TG: variants seen among roughly 807,000 people sequenced by gnomAD.
The protein encoded by TG is thyroid hormones.
Under a neutral mutation model 324.7 loss-of-function variants are expected in TG, and 270 were observed. The observed-to-expected ratio is 0.83, with a 90% CI of 0.75 to 0.92. The LOEUF (loss-of-function observed/expected upper bound fraction) is 0.92, where lower values mean the gene tolerates loss of function less well. Among genes scored for constraint, TG ranks in the 40% least tolerant of loss-of-function variants. The pLI, the probability that TG is intolerant of heterozygous loss-of-function variation, is 0.00. For synonymous variants in TG, 1,401 were observed against 1,327.0 expected, an observed-to-expected ratio of 1.06 and a Z score of -1.21; for missense variants, 3,591 against 3,456.4, an observed-to-expected ratio of 1.04 and a Z score of -0.98.
At chr8:132,964,959 G>A (rs761855529) in intron 29 of TG, 2 of 702,172 alleles carry the variant, frequency 2.8e-6, no homozygotes, top group South Asian at 1.5e-5. Context: ...GGTGTTCCAG[G>A]TAAGGGGAAC....
rs1229849685 is a variant in TG, at chr8:132,867,155, C to A, written c.67+88C>A. ...CCCTGGGCCTTCGAACAGGTGCGAT[C>A]TAATTTAATCTTCACAAATTCCCAC... On this transcript the variant is annotated intron_variant, in intron 1 of 47. Coordinates refer to ENST00000220616, the MANE Select transcript of TG (RefSeq NM_003235.5). The A allele has an allele frequency of 4.4e-6, 5 of 1,141,092 alleles. No individual in the cohort carries two copies. In the East Asian group the frequency reaches 7.7e-5, roughly 18 times the overall value. 70.7% of individuals were successfully genotyped at this position (1,141,092 alleles called of 1,614,324 possible).
intron 23 of TG, among the ~76,000 whole-genome samples, chr8:132,930,229 T>G (rs1487053652): frequency 6.6e-6 from 1 of 152,186 alleles, no homozygotes; most frequent in Non-Finnish European, 1.5e-5. Context: ...ATGAGAGATA[T>G]TGACAGGAAT....
At chr8:133,052,839 G>T (rs990825942) in intron 41 of TG, among the ~76,000 whole-genome samples, 3 of 152,244 alleles carry the variant, frequency 2.0e-5, no homozygotes, top group Non-Finnish European at 4.4e-5. Flanking sequence ...AATCTGCCCA[G>T]AAGCTGAGGC....
intron 35 of TG, among the ~76,000 whole-genome samples, chr8:133,007,000 T>C (rs1834067939): frequency 6.6e-6 from 1 of 151,486 alleles, no homozygotes; most frequent in Admixed American, 6.6e-5. Context: ...TTTATGTTAA[T>C]TTTTTTTTAG....
intron 35 of TG, 198 bp downstream of exon 35, chr8:132,983,610 C>CAA (rs1298761559): frequency 1.6e-6 from 1 of 629,146 alleles, no homozygotes; most frequent in African/African-American, 1.8e-5. Flanking sequence ...AAAATTGACT[C>CAA]ACGGGAATGA....
chr8:133,123,695 G>A (rs1317699984), intron 45 of TG, among the ~76,000 whole-genome samples: 2 of 149,958 alleles, frequency 1.3e-5, no homozygotes, highest in African/African-American at 5.0e-5. Flanking sequence ...AAAGGACTCA[G>A]ACCCTGTGGC....
chr8:133,010,070 C>A (rs561655783), intron 35 of TG, among the ~76,000 whole-genome samples: 1 of 152,232 alleles, frequency 6.6e-6, no homozygotes, highest in African/African-American at 2.4e-5. Context: ...AGGCAAAGAC[C>A]CTTTCATACC....
intron 35 of TG, among the ~76,000 whole-genome samples, chr8:133,001,434 C>T (rs1468240242): frequency 6.6e-6 from 1 of 152,168 alleles, no homozygotes; most frequent in Admixed American, 6.5e-5. Context: ...AAGAATTTCT[C>T]CTGGAGAAAT....
At chr8:132,984,971 T>C (rs1831342712) in intron 35 of TG, among the ~76,000 whole-genome samples, 1 of 151,634 alleles carries the variant, frequency 6.6e-6, no homozygotes, top group South Asian at 2.1e-4. Flanking sequence ...GAGTTCCCTA[T>C]GTCATCTATG....
intron 33 of TG, chr8:132,972,335 T>C (rs1829640673): frequency 5.5e-6 from 3 of 547,696 alleles, no homozygotes; most frequent in South Asian, 4.2e-5. Flanking sequence ...CCAAGTGAAG[T>C]GATACCAACA....
intron 41 of TG, among the ~76,000 whole-genome samples, chr8:133,071,288 A>AG (rs1229700724): frequency 1.3e-5 from 2 of 152,210 alleles, no homozygotes; most frequent in African/African-American, 4.8e-5. Flanking sequence ...CCAAGGCCAG[A>AG]GCATTCACAT....
chr8:132,871,242 C>T, intron 3 of TG, 106 bp from the exon 4 acceptor site: 1 of 1,219,216 alleles, frequency 8.2e-7, no homozygotes, highest in South Asian at 1.2e-5. Flanking sequence ...GCGGGTCATT[C>T]CCCTCTCAGC....
intron 19 of TG, among the ~76,000 whole-genome samples, 172 bp downstream of exon 19, chr8:132,911,705 G>A (rs550248149): frequency 4.6e-5 from 7 of 152,248 alleles, no homozygotes; most frequent in Non-Finnish European, 7.4e-5. Flanking sequence ...CTTGCCAATC[G>A]TTTACTAGAG....
intron 35 of TG, among the ~76,000 whole-genome samples, chr8:132,991,651 C>T (rs753668355): frequency 1.1e-4 from 17 of 152,162 alleles, no homozygotes; most frequent in Non-Finnish European, 1.0e-4. Flanking sequence ...CAAGACATGC[C>T]GGTTAGCACA....
chr8:132,885,034 C>T (rs1426764958), intron 8 of TG, among the ~76,000 whole-genome samples: 1 of 152,118 alleles, frequency 6.6e-6, no homozygotes, highest in Non-Finnish European at 1.5e-5. Flanking sequence ...ACCACATTTT[C>T]CAGTTCTTTC....
chr8:132,949,227 G>C (rs535583123), intron 27 of TG, among the ~76,000 whole-genome samples: 1 of 152,288 alleles, frequency 6.6e-6, no homozygotes, highest in East Asian at 1.9e-4. Flanking sequence ...GCTGGCAATT[G>C]ATGGATCTCA....
chr8:132,887,972 G>T lies in TG; in HGVS notation c.2177-12G>T. On this transcript the variant is annotated splice_polypyrimidine_tract_variant and intron_variant, in intron 9 of 47. Transcript: ENST00000220616. ...TCTTAAACTGAAACACCTGCTCATT[G>T]TTCCTCCCCAGGCCCCACGCCCTGT... 2 of 1,609,688 alleles carry T rather than the reference G, an allele frequency of 1.2e-6. No homozygotes were observed. Among genetic ancestry groups the T allele is most frequent in the Non-Finnish European group, 1.7e-6 (2 of 1,177,860 alleles).
chr8:132,903,822 T>G (rs553484188), intron 16 of TG, among the ~76,000 whole-genome samples: 1 of 152,204 alleles, frequency 6.6e-6, no homozygotes, highest in Non-Finnish European at 1.5e-5. Flanking sequence ...CTAACCTCTC[T>G]GGATGTCAGT....
rs373345711 is a variant in TG, at chr8:132,961,211, G to A, written c.5467+138G>A. 24 of 864,306 alleles carry A rather than the reference G, an allele frequency of 2.8e-5. No homozygotes were observed. In the East Asian group the frequency reaches 5.0e-4, roughly 18 times the overall value. The allele number at this position is 864,306 out of a possible 1,614,324, so 53.5% of individuals were successfully genotyped here. A position where few individuals can be genotyped will look rare whatever the true frequency, so the allele number is the denominator to read the frequency against. On this transcript the variant is annotated intron_variant, in intron 28 of 47. Transcript: ENST00000220616. ...CACTTTCCAAATGCATACTTTCTGT[G>A]GAATAGAAGGGCTCCAACTCATCAG...
Sources: allele counts gnomAD v4.1 joint callset (sites outside exome capture counted in the v4.1 genomes callset), GRCh38; gene constraint gnomAD v4.1.1; transcripts MANE v1.5; gene names NCBI Gene and HGNC (gene_info 2026-07-23, HGNC 2026-07-21).